The following KDM2A variants were observed in gnomAD, a reference collection of about 807,000 sequenced individuals.
KDM2A encodes lysine demethylase 2A.
Under a neutral mutation model 137.3 loss-of-function variants are expected in KDM2A, and 3 were observed. The ratio of observed to expected loss-of-function variants is 0.02; its 90% CI spans 0.01 to 0.06. KDM2A has a LOEUF of 0.06. Ranked by LOEUF, KDM2A falls within the 10% of genes least tolerant of loss-of-function variation. The probability of loss-of-function intolerance (pLI) is 1.00; values close to 1 mark genes in which losing one functional copy is unlikely to be tolerated. For missense variants in KDM2A, 738 were observed against 1,510.6 expected (o/e 0.49, Z 8.48); for synonymous variants, 512 against 541.5 (o/e 0.95, Z 0.76).
At chr11:67,202,033 G>A (rs1333096562) in intron 5 of KDM2A, among the ~76,000 whole-genome samples, 1 of 152,070 alleles carries the variant, frequency 6.6e-6, no homozygotes, top group Non-Finnish European at 1.5e-5. Context: ...ACAGGAGTTT[G>A]GAAAAAGTTG....
At chr11:67,142,557 G>GGGGGGTGGGGTT (rs1856132241) in intron 2 of KDM2A, among the ~76,000 whole-genome samples, 3 of 115,258 alleles carry the variant, frequency 2.6e-5, no homozygotes, top group Admixed American at 9.1e-5. Flanking sequence ...AAGTTGGCCG[G>GGGGGGTGGGGTT]GGGGTTGGGG....
intron 2 of KDM2A, among the ~76,000 whole-genome samples, chr11:67,162,985 T>C (rs1343172525): frequency 1.3e-5 from 2 of 152,152 alleles, no homozygotes; most frequent in African/African-American, 2.4e-5. Flanking sequence ...GTTGGGATTA[T>C]AGGCTTGAGC....
In KDM2A at chr11:67,254,112, C is replaced by T; in HGVS notation, c.3092-91C>T. 8.4e-7 allele frequency: 1 copy of T among 1,196,270 alleles called. No individual in the cohort carries two copies. Among genetic ancestry groups the T allele is most frequent in the Non-Finnish European group, 1.2e-6 (1 of 849,050 alleles). The allele number at this position is 1,196,270 out of a possible 1,614,324, so 74.1% of individuals were successfully genotyped here. ...TTCTACTTAACCCCTTCAAGGGGGC[C>T]TGGCCAGCAAGTAGCTGTTGCTGCC... On this transcript the variant is annotated intron_variant, in intron 19 of 20. Transcript: ENST00000529006. The surrounding 1 kb of genome is among the most constrained non-coding windows in gnomAD (Gnocchi z 4.7).
At chr11:67,175,960 A>G (rs1301330421) in intron 2 of KDM2A, among the ~76,000 whole-genome samples, 1 of 152,156 alleles carries the variant, frequency 6.6e-6, no homozygotes, top group Non-Finnish European at 1.5e-5. Flanking sequence ...GTTTTTGGGG[A>G]AAACAATGTT....
intron 2 of KDM2A, among the ~76,000 whole-genome samples, chr11:67,140,744 CTT>C (rs757323455): frequency 1.3e-4 from 19 of 151,648 alleles, no homozygotes; most frequent in Non-Finnish European, 2.4e-4. Flanking sequence ...AAGAGTGAAA[CTT>C]TGTCTCAAAA....
At position 67,234,021 on chromosome 11, in the gene KDM2A, G is replaced by A. The variant is rs1858796046; in HGVS notation, c.1479+2061G>A. On this transcript the variant is annotated intron_variant, in intron 12 of 20. Transcript: ENST00000529006. The stretch of plus-strand genomic sequence containing the variant: ...TCCAGAGACTTGTCCACAGCTTCTC[G>A]TTTACCCAAAACCACAGTCAAAATG... Among the ~76,000 whole-genome samples, 6 of 152,174 alleles carry A rather than the reference G, an allele frequency of 3.9e-5. No homozygotes were observed. The South Asian group carries it at 1.0e-3, about 26-fold the overall frequency.
chr11:67,201,207 T>C (rs12293868), intron 5 of KDM2A, among the ~76,000 whole-genome samples: 3 of 40,364 alleles, frequency 7.4e-5, no homozygotes, highest in Admixed American at 3.1e-4. Flanking sequence ...AAAAAAAATA[T>C]ATATATATAT....
intron 2 of KDM2A, among the ~76,000 whole-genome samples, chr11:67,157,888 G>T (rs1022590703): frequency 5.9e-5 from 9 of 152,084 alleles, no homozygotes; most frequent in African/African-American, 2.2e-4. Context: ...TCAGGAATTG[G>T]AGTCTAGCCT....
Position 67,254,272 on chromosome 11 carries a change from C to T in KDM2A, c.3161C>T (p.Ala1054Val). 6.2e-7 allele frequency: 1 copy of T among 1,614,034 alleles called. No homozygotes were observed. The highest frequency in any genetic ancestry group is 8.5e-7 in the Non-Finnish European group (1 of 1,179,898). The part of the protein sequence containing the change: ...FRLAGLDITD[A>V]TLRLIIRHMP... Reference sequence around the variant, plus strand: ...CTGGCAGGCCTTGACATCACAGATGCCACGCTTCGCCTCATAATTCGCCAC... The same window carrying T: ...CTGGCAGGCCTTGACATCACAGATGTCACGCTTCGCCTCATAATTCGCCAC... Residue 1054 changes from alanine to valine, a missense_variant, in exon 20 of 21, where the codon GCC becomes GTC. Ala to Val is a moderately conservative substitution (Grantham distance 64). This residue lies in a region of KDM2A where 166 missense variants were observed against 324.0 expected (regional missense o/e 0.51). Coordinates refer to ENST00000529006, the MANE Select transcript of KDM2A (RefSeq NM_012308.3). This position sits in a 1 kb window ranked among gnomAD's most constrained non-coding sequence, Gnocchi z 4.7.
Position 67,245,618 on chromosome 11 carries a change from A to ACCTTCTATCT in KDM2A, c.1833+160_1833+161insCCTTCTATCT. 1 of 758,998 alleles carries ACCTTCTATCT rather than the reference A, an allele frequency of 1.3e-6. No homozygotes were observed. The highest frequency in any genetic ancestry group is 2.1e-6 in the Non-Finnish European group (1 of 478,878). 47.0% of individuals were successfully genotyped at this position (758,998 alleles called of 1,614,324 possible). A position where few individuals can be genotyped will look rare whatever the true frequency, so the allele number is the denominator to read the frequency against. ...GTACCTTTTTTCCCCAGGTTTAGAT[A>ACCTTCTATCT]GAAGGTATCTAGTACTAAAAATCCG... On this transcript the variant is annotated intron_variant, in intron 14 of 20. Coordinates refer to ENST00000529006, the MANE Select transcript of KDM2A (RefSeq NM_012308.3). The surrounding 1 kb of genome is among the most constrained non-coding windows in gnomAD (Gnocchi z 4.1).
intron 2 of KDM2A, among the ~76,000 whole-genome samples, chr11:67,139,221 G>T (rs1295004843): frequency 6.6e-6 from 1 of 151,728 alleles, no homozygotes; most frequent in Admixed American, 6.6e-5. Context: ...GCCAGCCAAA[G>T]ATTGCTACTT....
At position 67,255,702 on chromosome 11, in the gene KDM2A, C is replaced by T; in HGVS notation, c.*647C>T. 2 of 394,730 alleles carry T rather than the reference C, an allele frequency of 5.1e-6. No individual in the cohort carries two copies. Among genetic ancestry groups the T allele is most frequent in the South Asian group, 3.7e-5 (2 of 54,432 alleles). The allele number at this position is 394,730 out of a possible 1,614,324, so 24.5% of individuals were successfully genotyped here. A position where few individuals can be genotyped will look rare whatever the true frequency, so the allele number is the denominator to read the frequency against. On this transcript the variant is annotated 3_prime_UTR_variant, in exon 21 of 21. Coordinates refer to ENST00000529006, the MANE Select transcript of KDM2A (RefSeq NM_012308.3). ...GTTCACATAATTAGGTTTCCCACCC[C>T]AGCCTACCCGACTTACTTGCTAGTC... is the stretch of plus-strand genomic sequence containing the variant.
In KDM2A at chr11:67,119,727, G is replaced by A. The variant is rs1271142405; in HGVS notation, c.-406G>A. 4.7e-5 allele frequency: 7 copies of A among 150,176 alleles called. No individual in the cohort carries two copies. Among genetic ancestry groups the A allele is most frequent in the Admixed American group, 1.3e-4 (2 of 15,128 alleles). 9.3% of individuals were successfully genotyped at this position (150,176 alleles called of 1,614,324 possible). A position where few individuals can be genotyped will look rare whatever the true frequency, so the allele number is the denominator to read the frequency against. On this transcript the variant is annotated 5_prime_UTR_variant, in exon 1 of 21. Transcript: ENST00000529006. ...CTGCTGGCCGAGGGCACGGCGAGGA[G>A]GGCGCTCCCTGCGGCCGGGGCCGGC...
chr11:67,142,268 C>G (rs1429336062), intron 2 of KDM2A, among the ~76,000 whole-genome samples: 1 of 151,742 alleles, frequency 6.6e-6, no homozygotes, highest in African/African-American at 2.4e-5. Flanking sequence ...AACTCTTGAC[C>G]TCAGGTGATC....
intron 6 of KDM2A, 43 bp downstream of exon 6, chr11:67,207,731 G>A (rs1857850370): frequency 6.7e-7 from 1 of 1,481,674 alleles, no homozygotes; most frequent in Non-Finnish European, 9.1e-7. Flanking sequence ...GTCACCAAAA[G>A]GGTTGTTTTC....
At chr11:67,147,722 A>G (rs1856287290) in intron 2 of KDM2A, among the ~76,000 whole-genome samples, 1 of 150,230 alleles carries the variant, frequency 6.7e-6, no homozygotes, top group Non-Finnish European at 1.5e-5. Flanking sequence ...GTGTCGCCTG[A>G]GCTGGAGTGC....
chr11:67,138,640 G>A (rs1856023376), intron 2 of KDM2A, among the ~76,000 whole-genome samples: 1 of 152,184 alleles, frequency 6.6e-6, no homozygotes, highest in African/African-American at 2.4e-5. Context: ...AATTAACCAG[G>A]TGTGGTGGTG....
At chr11:67,150,884 T>C (rs1302206819) in intron 2 of KDM2A, among the ~76,000 whole-genome samples, 1 of 152,104 alleles carries the variant, frequency 6.6e-6, no homozygotes, top group African/African-American at 2.4e-5. Context: ...GAATGGAGCA[T>C]AGCATTCACC....
chr11:67,216,601 T>C (rs1858167100), intron 8 of KDM2A, among the ~76,000 whole-genome samples: 1 of 152,250 alleles, frequency 6.6e-6, no homozygotes, highest in Non-Finnish European at 1.5e-5. Flanking sequence ...GGAACTAGAA[T>C]GAGAATAGAT....
Sources: gnomAD v4.1 joint callset for allele counts (sites outside exome capture counted in the v4.1 genomes callset) on GRCh38, gnomAD v4.1.1 for gene constraint, gnomAD v4.1.1 regional missense constraint, Gnocchi (gnomAD v3.1) non-coding constraint, MANE v1.5 for transcripts, NCBI Gene and HGNC (gene_info 2026-07-23, HGNC 2026-07-21) for gene names.